The following AFF1 variants were observed in gnomAD, a reference collection of about 807,000 sequenced individuals.
The protein encoded by AFF1 is AF4/FMR2 family member 1.
A neutral mutation model predicts 121.7 loss-of-function variants in AFF1; 48 were observed. That is an observed-to-expected ratio of 0.39 (90% confidence interval 0.31 to 0.50). The LOEUF is 0.50. Ranked by LOEUF, AFF1 falls within the 20% of genes least tolerant of loss-of-function variation. The probability of loss-of-function intolerance (pLI) is 0.76; values close to 1 mark genes in which losing one functional copy is unlikely to be tolerated. For synonymous variants in AFF1, 613 were observed against 563.0 expected, an observed-to-expected ratio of 1.09 and a Z score of -1.26; for missense variants, 1,523 against 1,511.7, an observed-to-expected ratio of 1.01 and a Z score of -0.12.
At chr4:87,056,323 G>C (rs977587915) in intron 4 of AFF1, among the ~76,000 whole-genome samples, 1 of 152,102 alleles carries the variant, frequency 6.6e-6, no homozygotes, top group African/African-American at 2.4e-5. Flanking sequence ...GCTTTGAATT[G>C]AAGTGCATGA....
chr4:86,945,034 C>A (rs1015118747), intron 1 of AFF1, among the ~76,000 whole-genome samples: 1 of 152,172 alleles, frequency 6.6e-6, no homozygotes. Flanking sequence ...ATGGAACATT[C>A]CAAAATGAAA....
rs758251913 is a variant in AFF1 at position 86,990,171 on chromosome 4, TA to T, written c.38+41602del. On this transcript the variant is annotated intron_variant, in intron 2 of 20. Transcript: ENST00000395146. ...ATGTATTCCAGAACTTAAATTATAATAATAATAATAATAATAATAGACTGAA... is the reference window on the plus strand; with the variant it reads ...ATGTATTCCAGAACTTAAATTATAATATAATAATAATAATAATAGACTGAA... Among the ~76,000 whole-genome samples the T allele has an allele frequency of 9.1e-3, 1,376 of 150,702 alleles. 12 individuals carry two copies. The highest frequency in any genetic ancestry group is 0.015 in the Non-Finnish European group (1,031 of 67,440).
Position 87,046,168 on chromosome 4 carries a change from T to A in AFF1, c.41T>A (p.Leu14Ter). 1 of 1,612,104 alleles carries A rather than the reference T, an allele frequency of 6.2e-7. No homozygotes were observed. Residue 14 changes from leucine to a stop codon, truncating the protein, a stop_gained and splice_region_variant, in exon 3 of 21, where the codon TTG becomes TAG. Transcript: ENST00000395146. LOFTEE classifies it high-confidence loss of function. ...TERVNSSGNS[L>*]YNDDRNLLRI... is the part of the protein sequence containing the mutation. ...TTCTTTTGTGGCATCTGAAACAGTT[T>A]GTACAATGACGACAGAAACCTGCTT...
At chr4:87,032,559 C>G (rs911389697) in intron 2 of AFF1, among the ~76,000 whole-genome samples, 6 of 151,076 alleles carry the variant, frequency 4.0e-5, no homozygotes, top group Non-Finnish European at 5.9e-5. Context: ...TAGGTATCTG[C>G]TTTGTAGTCC....
At chr4:87,073,923 A>G (rs1722388073) in intron 4 of AFF1, among the ~76,000 whole-genome samples, 3 of 152,202 alleles carry the variant, frequency 2.0e-5, no homozygotes, top group Non-Finnish European at 4.4e-5. Context: ...GTTTTGACTC[A>G]GAACCATCCG....
At chr4:87,013,069 G>A (rs1343381701) in intron 2 of AFF1, among the ~76,000 whole-genome samples, 1 of 108,670 alleles carries the variant, frequency 9.2e-6, no homozygotes, top group East Asian at 2.7e-4. Flanking sequence ...GGGAGACGGA[G>A]TTTCGCTCTT....
Position 87,137,411 on chromosome 4 carries a change from G to A in AFF1, c.*1710G>A, listed in dbSNP as rs546612985. On this transcript the variant is annotated 3_prime_UTR_variant, in exon 21 of 21. Transcript: ENST00000395146. ...AAGGGATGTGTCGAGGGATGGGAGC[G>A]ATGCTTATCTCTCACAGTGTGAGTG... 1.9e-4 allele frequency: 43 copies of A among 230,544 alleles called. No individual in the cohort carries two copies. The highest frequency in any genetic ancestry group is 1.4e-3 in the Admixed American group (24 of 17,684). The allele number at this position is 230,544 out of a possible 1,614,324, so 14.3% of individuals were successfully genotyped here. A position where few individuals can be genotyped will look rare whatever the true frequency, so the allele number is the denominator to read the frequency against.
intron 4 of AFF1, among the ~76,000 whole-genome samples, chr4:87,063,143 AGTAT>A (rs1001694980): frequency 3.3e-5 from 5 of 150,920 alleles, no homozygotes; most frequent in African/African-American, 1.2e-4. Flanking sequence ...GCATATAGTA[AGTAT>A]GTAATAGCTG....
chr4:87,099,852 A>G (rs1173714585), intron 8 of AFF1, among the ~76,000 whole-genome samples: 1 of 152,234 alleles, frequency 6.6e-6, no homozygotes, highest in Non-Finnish European at 1.5e-5. Context: ...AATTCTTTGG[A>G]TAGTAGTTAC....
intron 2 of AFF1, among the ~76,000 whole-genome samples, chr4:87,012,916 C>T (rs981699112): frequency 2.0e-5 from 3 of 152,058 alleles, no homozygotes; most frequent in African/African-American, 7.3e-5. Context: ...ACCTGATGGC[C>T]ACAGAGCCAA....
rs767878634 is a variant in AFF1, at chr4:87,046,264, C to A, written c.137C>A (p.Pro46His). 2 of 1,613,482 alleles carry A rather than the reference C, an allele frequency of 1.2e-6. No individual in the cohort carries two copies. Among genetic ancestry groups the A allele is most frequent in the South Asian group, 2.2e-5 (2 of 91,062 alleles). The change falls in exon 3 of 21, where the codon CCC (proline) becomes CAC (histidine). Residue 46 changes from proline to histidine, a missense_variant. By Grantham distance (77) the Pro-to-His change is moderately conservative (BLOSUM62 -2). Transcript: ENST00000395146. Reference sequence around the variant, plus strand: ...AAAGAGGCATTTCCTGAAAAGATTCCCCTTTTTGGAGAGCCCTACAAGGTA... The same window carrying A: ...AAAGAGGCATTTCCTGAAAAGATTCACCTTTTTGGAGAGCCCTACAAGGTA... The part of the protein sequence containing the change: ...QEKEAFPEKI[P>H]LFGEPYKTAK...
chr4:87,035,373 A>G (rs1437417139), intron 2 of AFF1, among the ~76,000 whole-genome samples: 1 of 152,166 alleles, frequency 6.6e-6, no homozygotes, highest in Non-Finnish European at 1.5e-5. Context: ...CATCCTGGCT[A>G]ACATGGTGAA....
chr4:87,042,692 T>A (rs559499584), intron 2 of AFF1, among the ~76,000 whole-genome samples: 23 of 152,300 alleles, frequency 1.5e-4, no homozygotes, highest in East Asian at 9.7e-4. Context: ...TTTAAAAAAA[T>A]TTTTTTGACA....
intron 2 of AFF1, chr4:86,949,895 T>C: frequency 1.2e-6 from 2 of 1,613,984 alleles, no homozygotes; most frequent in Non-Finnish European, 1.7e-6. Context: ...GAAGGGGTTC[T>C]TGGTGGGGTA....
chr4:87,094,197 T>A (rs1724598338), intron 7 of AFF1, among the ~76,000 whole-genome samples: 1 of 152,206 alleles, frequency 6.6e-6, no homozygotes. Context: ...GAATCTTGGC[T>A]GTCCTTTGTG....
intron 6 of AFF1, among the ~76,000 whole-genome samples, chr4:87,091,231 C>T (rs1156292898): frequency 6.6e-6 from 1 of 151,102 alleles, no homozygotes; most frequent in Non-Finnish European, 1.5e-5. Context: ...GGTGAAACAC[C>T]GTCTCTACTA....
chr4:87,090,819 G>C (rs1365831238), intron 6 of AFF1, among the ~76,000 whole-genome samples: 1 of 151,634 alleles, frequency 6.6e-6, no homozygotes, highest in Admixed American at 6.6e-5. Flanking sequence ...TTTAAGACCA[G>C]CCTGGGCAAT....
rs1236513590 is a variant in AFF1, at chr4:87,135,701, A to G, written c.3657A>G (p.Ter1219=). The change falls in exon 21 of 21, where the codon TAA becomes TAG. Residue 1219 remains the stop codon, a stop_retained_variant. Transcript: ENST00000395146. Reference sequence around the variant, plus strand: ...TACAAGAATTAACCAAAACACCTTAATGGAGCCCCAGGTTGATTCAATGCC... The same window carrying G: ...TACAAGAATTAACCAAAACACCTTAGTGGAGCCCCAGGTTGATTCAATGCC... ...QQLQELTKTP[*] 3.1e-6 allele frequency: 5 copies of G among 1,610,922 alleles called. No homozygotes were observed. Among genetic ancestry groups the G allele is most frequent in the East Asian group, 2.2e-5 (1 of 44,852 alleles).
Position 87,069,513 on chromosome 4 carries a change from CCTCTCCCCTCCTCTTT to C in AFF1, c.1060-14581_1060-14566del, listed in dbSNP as rs749318844. ...TCTTTCCTCTCTCCATCTTTTCTCTCCTCTCCCCTCCTCTTTCTCTCCCCTCCTCTTTCTCTCCCCT... is the reference window on the plus strand; with the variant it reads ...TCTTTCCTCTCTCCATCTTTTCTCTCCTCTCCCCTCCTCTTTCTCTCCCCT... On this transcript the variant is annotated intron_variant, in intron 4 of 20. Transcript: ENST00000395146. Among the ~76,000 whole-genome samples, 158 of 122,446 alleles carry C rather than the reference CCTCTCCCCTCCTCTTT, an allele frequency of 1.3e-3. 1 individual carries two copies. The highest frequency in any genetic ancestry group is 6.8e-3 in the South Asian group (26 of 3,836). 80.3% of individuals were successfully genotyped at this position (122,446 alleles called of 152,430 possible).
Sources: allele counts gnomAD v4.1 joint callset (sites outside exome capture counted in the v4.1 genomes callset), GRCh38; gene constraint gnomAD v4.1.1; transcripts MANE v1.5; gene names NCBI Gene and HGNC (gene_info 2026-07-23, HGNC 2026-07-21).